Variants in ADGRL2 observed in about 807,000 individuals in gnomAD.
ADGRL2 encodes calcium-independent alpha-latrotoxin receptor 2.
A neutral mutation model predicts 157.4 loss-of-function variants in ADGRL2; 44 were observed. The observed-to-expected ratio is 0.28, with a 90% confidence interval of 0.22 to 0.36. The LOEUF is 0.36. Among genes scored for constraint, ADGRL2 ranks in the 10% least tolerant of loss-of-function variants. The pLI, the probability that ADGRL2 is intolerant of heterozygous loss-of-function variation, is 1.00. For synonymous variants in ADGRL2, 585 were observed against 624.7 expected (o/e 0.94, Z 0.95); for missense variants, 1,510 against 1,768.9 (o/e 0.85, Z 2.63).
chr1:81,946,907 T>G (rs2149010153), intron 6 of ADGRL2, among the ~76,000 whole-genome samples: 1 of 152,294 alleles, frequency 6.6e-6, no homozygotes, highest in East Asian at 1.9e-4. Context: ...ACCCTTAGCA[T>G]AAATGTCTGT....
intron 4 of ADGRL2, among the ~76,000 whole-genome samples, chr1:81,941,358 T>G (rs1647928578): frequency 6.6e-6 from 1 of 151,528 alleles, no homozygotes; most frequent in African/African-American, 2.4e-5. Context: ...GGGGGGATAT[T>G]GATATATTCC....
chr1:81,326,466 CGTT>C (rs1030223599), intron 1 of ADGRL2, among the ~76,000 whole-genome samples: 2 of 152,206 alleles, frequency 1.3e-5, no homozygotes, highest in African/African-American at 4.8e-5. Flanking sequence ...TAAACACAAA[CGTT>C]GTTATTTGTC....
At chr1:81,521,975 T>G (rs1036571668) in intron 2 of ADGRL2, among the ~76,000 whole-genome samples, 7 of 151,724 alleles carry the variant, frequency 4.6e-5, no homozygotes, top group Non-Finnish European at 1.0e-4. Context: ...TTGTTTTTTT[T>G]TTTTTTTGAG....
intron 1 of ADGRL2, among the ~76,000 whole-genome samples, chr1:81,432,572 A>G (rs113910946): frequency 0.021 from 3,145 of 152,308 alleles, 117 homozygotes; most frequent in African/African-American, 0.069. Flanking sequence ...GTGAAATGTT[A>G]TTATGAGTTC....
chr1:81,348,454 T>C (rs997649319), intron 1 of ADGRL2, among the ~76,000 whole-genome samples: 4 of 152,192 alleles, frequency 2.6e-5, no homozygotes, highest in African/African-American at 9.7e-5. Context: ...ATTTGTATTT[T>C]GGTTCCAGAA....
upstream of ADGRL2, among the ~76,000 whole-genome samples, chr1:81,799,907 T>C (rs977167985): frequency 2.0e-5 from 3 of 152,036 alleles, no homozygotes; most frequent in Admixed American, 2.0e-4. Flanking sequence ...AATCCATGTT[T>C]GAATTTTGTG....
chr1:81,498,796 G>GA (rs904001116), intron 2 of ADGRL2, among the ~76,000 whole-genome samples: 38 of 146,772 alleles, frequency 2.6e-4, no homozygotes, highest in East Asian at 1.4e-3. Context: ...TTTGGGGAAA[G>GA]AAAAAAAAAA....
chr1:81,474,382 A>G (rs543119125), intron 2 of ADGRL2, among the ~76,000 whole-genome samples: 118 of 152,340 alleles, frequency 7.7e-4, no homozygotes, highest in African/African-American at 2.7e-3. Flanking sequence ...TACTTGGCCC[A>G]TAGTGGGTGT....
intron 2 of ADGRL2, among the ~76,000 whole-genome samples, chr1:81,500,316 A>C (rs1189453804): frequency 6.6e-6 from 1 of 152,248 alleles, no homozygotes; most frequent in Admixed American, 6.5e-5. Flanking sequence ...ACCCAGAAAC[A>C]TGGAAAGCAG....
intron 1 of ADGRL2, among the ~76,000 whole-genome samples, chr1:81,322,140 A>G (rs990200451): frequency 2.7e-5 from 4 of 148,374 alleles, no homozygotes; most frequent in African/African-American, 9.8e-5. Context: ...ACACACGTAC[A>G]TATATATACA....
rs1036132759 is a variant in ADGRL2 at position 81,966,300 on chromosome 1, A to G, written c.2144-104A>G. ...AAAACGGCTTACCATTTAAAAGCAGATATAAAACAGTGCCTTAGGACTTCA... is the reference window on the plus strand; with the variant it reads ...AAAACGGCTTACCATTTAAAAGCAGGTATAAAACAGTGCCTTAGGACTTCA... On this transcript the variant is annotated intron_variant, in intron 12 of 23. Coordinates refer to ENST00000686636, the MANE Select transcript of ADGRL2 (RefSeq NM_001366006.2). 2.0e-6 allele frequency: 3 copies of G among 1,516,954 alleles called. No individual in the cohort carries two copies. In the African/African-American group the frequency reaches 4.2e-5, roughly 21 times the overall value. The allele number at this position is 1,516,954 out of a possible 1,614,324, so 94.0% of individuals were successfully genotyped here. A position where few individuals can be genotyped will look rare whatever the true frequency, so the allele number is the denominator to read the frequency against.
chr1:81,384,403 T>C (rs765814751), intron 1 of ADGRL2, among the ~76,000 whole-genome samples: 1 of 152,040 alleles, frequency 6.6e-6, no homozygotes, highest in Non-Finnish European at 1.5e-5. Context: ...TAGAAAGATA[T>C]GGAGGAAAAA....
In ADGRL2 at chr1:81,972,230, GA is replaced by G. The variant is rs1658966871; in HGVS notation, c.3021+314del. 2.6e-5 allele frequency among the ~76,000 whole-genome samples: 4 copies of G among 151,860 alleles called. No homozygotes were observed. In the South Asian group the frequency reaches 6.2e-4, roughly 24 times the overall value. On this transcript the variant is annotated intron_variant, in intron 17 of 23. Coordinates refer to ENST00000686636, the MANE Select transcript of ADGRL2 (RefSeq NM_001366006.2). ...AAATGAATATGTCAGAAAAGTGAAA[GA>G]ATATTACCTTAATTTTTATTATCTT...
chr1:81,635,297 T>C (rs1188466907), intron 3 of ADGRL2, among the ~76,000 whole-genome samples: 1 of 152,178 alleles, frequency 6.6e-6, no homozygotes, highest in African/African-American at 2.4e-5. Flanking sequence ...TCAGTCTTTA[T>C]CTCAGGGTCT....
rs558325861 is a variant in ADGRL2, at chr1:81,372,877, C to CT, written c.-302+66370dup. On this transcript the variant is annotated intron_variant, in intron 1 of 24. Coordinates refer to the ADGRL2 transcript ENST00000370721. ...TTCCCCAGAAGTGTGTTGGCAACAG[C>CT]TTAGTATAGAACTGTAATTGTTTCT... 6.6e-5 allele frequency among the ~76,000 whole-genome samples: 10 copies of CT among 152,312 alleles called. No individual in the cohort carries two copies. In the East Asian group the frequency reaches 1.2e-3, roughly 18 times the overall value.
chr1:81,689,702 G>T (rs553744266), intron 3 of ADGRL2, among the ~76,000 whole-genome samples: 1 of 152,190 alleles, frequency 6.6e-6, no homozygotes, highest in Non-Finnish European at 1.5e-5. Context: ...AGAATGCAGC[G>T]ATGGAACTTT....
chr1:81,761,390 C>G (rs1038111977), intron 1 of ADGRL2, among the ~76,000 whole-genome samples: 3 of 151,846 alleles, frequency 2.0e-5, no homozygotes, highest in East Asian at 3.9e-4. Context: ...GTTTATTATA[C>G]TTTAAAAAAC....
chr1:81,800,816 G>T (rs1362233833), upstream of ADGRL2, among the ~76,000 whole-genome samples: 1 of 151,040 alleles, frequency 6.6e-6, no homozygotes, highest in Non-Finnish European at 1.5e-5. Context: ...GTGTGTTAAT[G>T]GGGGGAGCTG....
chr1:81,942,484 G>C (rs889430644), intron 5 of ADGRL2, among the ~76,000 whole-genome samples: 7 of 151,680 alleles, frequency 4.6e-5, no homozygotes, highest in Non-Finnish European at 7.4e-5. Context: ...AAGCACCTTT[G>C]TTTTCAGTCT....
Sources: allele counts gnomAD v4.1 joint callset (sites outside exome capture counted in the v4.1 genomes callset), GRCh38; gene constraint gnomAD v4.1.1; transcripts MANE v1.5; gene names NCBI Gene and HGNC (gene_info 2026-07-23, HGNC 2026-07-21).